SYT1: variants seen among roughly 807,000 people sequenced by gnomAD.
SYT1 encodes the protein synaptotagmin 1.
In SYT1, 8 loss-of-function variants were observed where a neutral mutation model predicts 44.8. The observed-to-expected ratio is 0.18, with a 90% CI of 0.10 to 0.32. The LOEUF (loss-of-function observed/expected upper bound fraction) is 0.32, where lower values mean the gene tolerates loss of function less well. Ranked by LOEUF, SYT1 falls within the 10% of genes least tolerant of loss-of-function variation. The probability of loss-of-function intolerance (pLI) is 1.00; values close to 1 mark genes in which losing one functional copy is unlikely to be tolerated. For missense variants in SYT1, 286 were observed against 509.3 expected, an observed-to-expected ratio of 0.56 and a Z score of 4.22; for synonymous variants, 154 against 188.8, an observed-to-expected ratio of 0.82 and a Z score of 1.51.
At chr12:79,133,761 A>G (rs1869004853) in intron 3 of SYT1, among the ~76,000 whole-genome samples, 1 of 152,234 alleles carries the variant, frequency 6.6e-6, no homozygotes, top group African/African-American at 2.4e-5. Context: ...AAATGATTAT[A>G]TTGTTGACAG....
intron 2 of SYT1, among the ~76,000 whole-genome samples, chr12:79,045,143 C>A (rs1273918331): frequency 3.3e-5 from 5 of 152,170 alleles, no homozygotes; most frequent in African/African-American, 1.2e-4. Flanking sequence ...CTGTGGTGGG[C>A]TCCACCCAGT....
intron 8 of SYT1, among the ~76,000 whole-genome samples, chr12:79,306,602 T>C (rs984231722): frequency 2.0e-5 from 3 of 152,204 alleles, no homozygotes; most frequent in Non-Finnish European, 4.4e-5. Context: ...TGGGGAAAAT[T>C]CTCATTAGGA....
rs999126088 is a variant in SYT1, at chr12:79,451,390, G to A, written c.*2266G>A. On this transcript the variant is annotated 3_prime_UTR_variant, in exon 11 of 11. Coordinates refer to ENST00000261205, the MANE Select transcript of SYT1 (RefSeq NM_005639.3). ...AGGGCCAAACCCTACCAAAGAGAGG[G>A]AGTTGACTGGCTTTTAAAAAGTATT... The A allele has an allele frequency of 6.6e-6, 1 of 152,336 alleles. No individual in the cohort carries two copies. Among genetic ancestry groups the A allele is most frequent in the African/African-American group, 2.4e-5 (1 of 41,588 alleles). The allele number at this position is 152,336 out of a possible 1,614,324, so 9.4% of individuals were successfully genotyped here. A position where few individuals can be genotyped will look rare whatever the true frequency, so the allele number is the denominator to read the frequency against.
At chr12:78,990,845 T>TA (rs1214679257) in intron 2 of SYT1, among the ~76,000 whole-genome samples, 1 of 152,068 alleles carries the variant, frequency 6.6e-6, no homozygotes, top group Non-Finnish European at 1.5e-5. Flanking sequence ...TTGGGGAAAA[T>TA]ATGGTATGCA....
intron 3 of SYT1, among the ~76,000 whole-genome samples, chr12:79,065,338 C>G (rs983000776): frequency 2.6e-5 from 4 of 152,252 alleles, no homozygotes; most frequent in Admixed American, 6.5e-5. Flanking sequence ...CTGCAGTGAG[C>G]CTTTAGTGTG....
intron 1 of SYT1, among the ~76,000 whole-genome samples, chr12:78,876,632 C>T (rs549304757): frequency 2.3e-5 from 3 of 132,014 alleles, no homozygotes; most frequent in East Asian, 2.2e-4. Context: ...TATATACACA[C>T]GTGTACACAT....
intron 1 of SYT1, among the ~76,000 whole-genome samples, chr12:78,893,177 G>A (rs1314330035): frequency 3.3e-5 from 5 of 151,674 alleles, no homozygotes; most frequent in African/African-American, 1.2e-4. Context: ...TCAATATTAA[G>A]AGCAACCATG....
At chr12:79,050,656 A>G (rs933646691) in intron 3 of SYT1, among the ~76,000 whole-genome samples, 1 of 152,104 alleles carries the variant, frequency 6.6e-6, no homozygotes, top group African/African-American at 2.4e-5. Context: ...TGTGACAACT[A>G]TTAACAACAC....
chr12:79,232,450 A>G (rs922864359), intron 4 of SYT1, among the ~76,000 whole-genome samples: 3 of 152,124 alleles, frequency 2.0e-5, no homozygotes, highest in Admixed American at 6.6e-5. Flanking sequence ...TACTAAATGT[A>G]TTATCCATAG....
chr12:78,928,237 C>T (rs763008826), intron 1 of SYT1, among the ~76,000 whole-genome samples: 1 of 152,098 alleles, frequency 6.6e-6, no homozygotes, highest in Non-Finnish European at 1.5e-5. Context: ...CCTAGTGATG[C>T]CTGGAACTGC....
intron 9 of SYT1, among the ~76,000 whole-genome samples, chr12:79,409,317 T>C (rs1294862200): frequency 6.6e-6 from 1 of 152,130 alleles, no homozygotes; most frequent in African/African-American, 2.4e-5. Flanking sequence ...ACTGGAAAGT[T>C]TTCTGGTAAC....
intron 8 of SYT1, among the ~76,000 whole-genome samples, chr12:79,342,004 A>G (rs188633074): frequency 6.6e-6 from 1 of 152,196 alleles, no homozygotes. Context: ...AAGCAAAAGG[A>G]ACTGTTTATG....
At chr12:79,073,598 A>C (rs1298095504) in intron 3 of SYT1, among the ~76,000 whole-genome samples, 1 of 152,162 alleles carries the variant, frequency 6.6e-6, no homozygotes, top group Non-Finnish European at 1.5e-5. Context: ...CTAGAAGGAC[A>C]GCAGGTGAAA....
intron 9 of SYT1, chr12:79,392,339 A>C (rs2045222484): frequency 6.6e-6 from 1 of 152,244 alleles, no homozygotes; most frequent in African/African-American, 2.4e-5. Context: ...GTCATAGGAA[A>C]AACAAGTAAT....
At chr12:78,892,284 A>G (rs1041013182) in intron 1 of SYT1, among the ~76,000 whole-genome samples, 1 of 151,776 alleles carries the variant, frequency 6.6e-6, no homozygotes, top group Non-Finnish European at 1.5e-5. Flanking sequence ...CCTACTACCT[A>G]CCACTAATTT....
At chr12:79,035,006 C>T (rs1051549321) in intron 2 of SYT1, among the ~76,000 whole-genome samples, 1 of 151,632 alleles carries the variant, frequency 6.6e-6, no homozygotes, top group African/African-American at 2.4e-5. Context: ...TTCCTCTAGG[C>T]TGTAATTTTT....
At chr12:79,251,720 C>T (rs571052285) in intron 4 of SYT1, among the ~76,000 whole-genome samples, 5 of 152,154 alleles carry the variant, frequency 3.3e-5, no homozygotes, top group Admixed American at 3.3e-4. Flanking sequence ...CTTGACTTAA[C>T]CCCAAGTGAG....
rs1884201832 is a variant in SYT1, at chr12:79,381,094, C to T, written c.928+27475C>T. ...TGAAATCTGAAGTCCATGCCTTTGG[C>T]TACTCCACCATAATTTCTCCTAGGA... On this transcript the variant is annotated intron_variant, in intron 9 of 10. Transcript: ENST00000261205. Among the ~76,000 whole-genome samples the T allele has an allele frequency of 2.0e-5, 3 of 152,196 alleles. No individual in the cohort carries two copies. The South Asian group carries it at 6.2e-4, about 32-fold the overall frequency.
At chr12:79,354,794 A>G (rs986801103) in intron 9 of SYT1, among the ~76,000 whole-genome samples, 4 of 152,198 alleles carry the variant, frequency 2.6e-5, no homozygotes, top group Non-Finnish European at 2.9e-5. Flanking sequence ...GAAATTTTTA[A>G]CTACAATAAC....
Sources: gnomAD v4.1 joint callset for allele counts (sites outside exome capture counted in the v4.1 genomes callset) on GRCh38, gnomAD v4.1.1 for gene constraint, MANE v1.5 for transcripts, NCBI Gene and HGNC (gene_info 2026-07-23, HGNC 2026-07-21) for gene names.